ZDHHC2: variants seen among roughly 807,000 people sequenced by gnomAD.
The protein encoded by ZDHHC2 is zDHHC palmitoyltransferase 2, also known as palmitoyltransferase ZDHHC2.
Under a neutral mutation model 55.6 loss-of-function variants are expected in ZDHHC2, and 51 were observed. The ratio of observed to expected loss-of-function variants is 0.92; its 90% confidence interval spans 0.73 to 1.16. The LOEUF (loss-of-function observed/expected upper bound fraction) is 1.16. Among genes scored for constraint, ZDHHC2 ranks in the 50% most tolerant of loss-of-function variants. ZDHHC2 has a pLI of 0.00. For synonymous variants in ZDHHC2, 199 were observed against 152.9 expected (o/e 1.30, Z -2.22); for missense variants, 491 against 442.4 (o/e 1.11, Z -0.99).
At chr8:17,159,912 T>A (rs1338431518) in intron 1 of ZDHHC2, among the ~76,000 whole-genome samples, 2 of 152,148 alleles carry the variant, frequency 1.3e-5, no homozygotes, top group Non-Finnish European at 2.9e-5. Flanking sequence ...CTCTCTCCAC[T>A]CCTGGCTTCT....
At chr8:17,220,033 AT>A (rs35393426) in intron 12 of ZDHHC2, among the ~76,000 whole-genome samples, 146,028 of 150,684 alleles carry the variant, frequency 0.97, 70,921 homozygotes, top group Non-Finnish European at 1. Flanking sequence ...AGAGTCTGCA[AT>A]TTTTTTTTTT....
chr8:17,199,565 T>TG (rs1806579309), intron 6 of ZDHHC2, among the ~76,000 whole-genome samples: 1 of 112,392 alleles, frequency 8.9e-6, no homozygotes, highest in Non-Finnish European at 1.8e-5. Context: ...CTTCGTCTTC[T>TG]TCGTCTTTGT....
At position 17,210,538 on chromosome 8, in the gene ZDHHC2, C is replaced by G. The variant is rs971999291; in HGVS notation, c.950+58C>G. On this transcript the variant is annotated intron_variant, in intron 10 of 12. Coordinates refer to ENST00000262096, the MANE Select transcript of ZDHHC2 (RefSeq NM_016353.5). ...AATAAGATATTTTACCATATTGTGT[C>G]TTTTGGTTATATGTTCCTTTGAAAA... is the stretch of plus-strand genomic sequence containing the variant. 5 of 1,405,838 alleles carry G rather than the reference C, an allele frequency of 3.6e-6. No individual in the cohort carries two copies. In the African/African-American group the frequency reaches 7.4e-5, roughly 21 times the overall value. 87.1% of individuals were successfully genotyped at this position (1,405,838 alleles called of 1,614,324 possible).
chr8:17,186,222 A>G, intron 2 of ZDHHC2, 109 bp from the exon 3 acceptor site: 1 of 687,388 alleles, frequency 1.5e-6, no homozygotes, highest in East Asian at 3.0e-5. Context: ...TTCATAATGT[A>G]TTATAATTGG....
At chr8:17,169,587 G>C (rs1184662284) in intron 1 of ZDHHC2, among the ~76,000 whole-genome samples, 8 of 152,178 alleles carry the variant, frequency 5.3e-5, no homozygotes, top group Non-Finnish European at 1.2e-4. Flanking sequence ...TGAATGCATC[G>C]TGAATACATG....
At chr8:17,164,597 A>C (rs967321484) in intron 1 of ZDHHC2, among the ~76,000 whole-genome samples, 1 of 139,942 alleles carries the variant, frequency 7.1e-6, no homozygotes, top group Non-Finnish European at 1.5e-5. Context: ...ACTAAACAAT[A>C]AAAAAAAAAA....
chr8:17,221,492 C>G lies in ZDHHC2; in HGVS notation c.*1271C>G, dbSNP rs1807916513. ...TGATACTGATTTTGAGAATTTAAAG[C>G]AGATTACCTTTTAAAACTGGACCAA... On this transcript the variant is annotated 3_prime_UTR_variant, in exon 13 of 13. Transcript: ENST00000262096. The G allele has an allele frequency of 6.6e-6, 1 of 152,292 alleles. No homozygotes were observed. The highest frequency in any genetic ancestry group is 1.5e-5 in the Non-Finnish European group (1 of 67,918). The allele number at this position is 152,292 out of a possible 1,614,324, so 9.4% of individuals were successfully genotyped here. A position where few individuals can be genotyped will look rare whatever the true frequency, so the allele number is the denominator to read the frequency against.
intron 1 of ZDHHC2, among the ~76,000 whole-genome samples, chr8:17,173,681 TAA>T (rs58195776): frequency 7.0e-6 from 1 of 143,330 alleles, no homozygotes; most frequent in Non-Finnish European, 1.5e-5. Context: ...GACCCTGTCT[TAA>T]AAAAAAAAAG....
chr8:17,166,802 A>C (rs1255154541), intron 1 of ZDHHC2, among the ~76,000 whole-genome samples: 1 of 152,178 alleles, frequency 6.6e-6, no homozygotes, highest in Non-Finnish European at 1.5e-5. Context: ...TGGCCCATCA[A>C]GTCTGGGAGG....
intron 10 of ZDHHC2, among the ~76,000 whole-genome samples, chr8:17,213,320 C>G (rs1157283572): frequency 6.6e-6 from 1 of 151,494 alleles, no homozygotes; most frequent in Non-Finnish European, 1.5e-5. Context: ...GTGACGCAGT[C>G]TCGGCTCACT....
intron 1 of ZDHHC2, among the ~76,000 whole-genome samples, 186 bp downstream of exon 1, chr8:17,157,039 G>GCCCTC (rs1289316527): frequency 1.3e-5 from 2 of 151,974 alleles, no homozygotes; most frequent in Non-Finnish European, 2.9e-5. Context: ...CACGCCCCTC[G>GCCCTC]CCCTCCCCTC....
rs6587024 is a variant in ZDHHC2, at chr8:17,202,256, A to T, written c.477-3399A>T. 8.4e-3 allele frequency among the ~76,000 whole-genome samples: 1,278 copies of T among 152,198 alleles called. 22 individuals carry two copies. The highest frequency in any genetic ancestry group is 0.028 in the African/African-American group (1,178 of 41,502). ...ATTTTATCTTATTTTTTTGAGACGG[A>T]GTTGCCTAGGCTGGAGTGCAGTGGC... is the stretch of plus-strand genomic sequence containing the variant. On this transcript the variant is annotated intron_variant, in intron 6 of 12. Transcript: ENST00000262096.
At chr8:17,207,739 A>T (rs906661638) in intron 7 of ZDHHC2, among the ~76,000 whole-genome samples, 1 of 152,090 alleles carries the variant, frequency 6.6e-6, no homozygotes, top group Admixed American at 6.6e-5. Flanking sequence ...TTATATTCCA[A>T]ATTTTAATAT....
intron 6 of ZDHHC2, among the ~76,000 whole-genome samples, chr8:17,202,548 T>G (rs191698719): frequency 5.3e-5 from 8 of 152,280 alleles, no homozygotes; most frequent in Admixed American, 2.0e-4. Context: ...CGTGTTTTGT[T>G]TCTCCATATG....
chr8:17,203,205 G>A (rs1280107943), intron 6 of ZDHHC2, among the ~76,000 whole-genome samples: 3 of 150,912 alleles, frequency 2.0e-5, no homozygotes, highest in South Asian at 2.1e-4. Context: ...GATTACAGAC[G>A]TGCACCACCA....
In ZDHHC2 at chr8:17,210,042, C is replaced by T. The variant is rs371522687; in HGVS notation, c.841C>T (p.Leu281=). ...TGGTGATGAGAAGAAGTACTGGTTGCTACCCATTTTTTCAAGGTACTTCTT... is the reference window on the plus strand; with the variant it reads ...TGGTGATGAGAAGAAGTACTGGTTGTTACCCATTTTTTCAAGGTACTTCTT... ...VFGDEKKYWL[L]PIFSSLGDGC... Residue 281 remains leucine, a synonymous_variant, in exon 9 of 13, where the codon CTA becomes TTA. Transcript: ENST00000262096. The T allele has an allele frequency of 3.4e-5, 54 of 1,602,430 alleles. No homozygotes were observed. In the African/African-American group the frequency reaches 6.0e-4, roughly 18 times the overall value.
Position 17,156,681 on chromosome 8 carries a change from C to T in ZDHHC2, c.-43C>T. 1 of 1,265,860 alleles carries T rather than the reference C, an allele frequency of 7.9e-7. No homozygotes were observed. Among genetic ancestry groups the T allele is most frequent in the Non-Finnish European group, 9.9e-7 (1 of 1,006,096 alleles). The allele number at this position is 1,265,860 out of a possible 1,614,324, so 78.4% of individuals were successfully genotyped here. On this transcript the variant is annotated 5_prime_UTR_variant, in exon 1 of 13. Coordinates refer to ENST00000262096, the MANE Select transcript of ZDHHC2 (RefSeq NM_016353.5). ...CGCCCAGCCCGCCCCGGAGCCAGGC[C>T]CGCGGGCGGCGGCGGAGCTGGGCAG...
intron 6 of ZDHHC2, among the ~76,000 whole-genome samples, chr8:17,199,644 C>CTCA: frequency 3.2e-5 from 1 of 31,124 alleles, no homozygotes; most frequent in South Asian, 1.1e-3. Context: ...TCTTCTCCTC[C>CTCA]TCCTCCTCCC....
intron 1 of ZDHHC2, among the ~76,000 whole-genome samples, chr8:17,183,377 T>C (rs1029484829): frequency 2.0e-5 from 3 of 152,160 alleles, no homozygotes; most frequent in African/African-American, 7.2e-5. Context: ...AAAACAGGCT[T>C]GCCTCAAGCC....
Sources: allele counts gnomAD v4.1 joint callset (sites outside exome capture counted in the v4.1 genomes callset), GRCh38; gene constraint gnomAD v4.1.1; transcripts MANE v1.5; gene names NCBI Gene and HGNC (gene_info 2026-07-23, HGNC 2026-07-21).